Variants in HMX3 observed in about 807,000 individuals in gnomAD.
HMX3 encodes homeobox protein HMX3.
Under a neutral mutation model 22.8 loss-of-function variants are expected in HMX3, and 8 were observed. The ratio of observed to expected loss-of-function variants is 0.35; its 90% CI spans 0.21 to 0.63. HMX3 has a LOEUF of 0.63. Ranked by LOEUF, HMX3 falls within the 30% of genes least tolerant of loss-of-function variation. HMX3 has a pLI of 0.72. For missense variants in HMX3, 527 were observed against 520.6 expected (o/e 1.01, Z -0.12); for synonymous variants, 331 against 250.9 (o/e 1.32, Z -3.02).
rs1254188566 is a variant in HMX3, at chr10:123,136,171, C to T, written c.121C>T (p.His41Tyr). ...FSIKNLLNGD[H>Y]HRPPPKPQPP... ...CATCAAGAACCTGCTCAACGGAGAC[C>T]ACCACCGGCCGCCCCCTAAGCCTCA... Residue 41 changes from histidine (H) to tyrosine (Y), a missense_variant, in exon 1 of 2, where the codon CAC becomes TAC. Physicochemically the swap from His to Tyr is moderately conservative, Grantham distance 83. This residue lies in a region of HMX3 where 386 missense variants were observed against 337.8 expected (regional missense o/e 1.14). Transcript: ENST00000357878. The surrounding 1 kb of genome is among the most constrained non-coding windows in gnomAD (Gnocchi z 4.8). 1 of 1,445,020 alleles carries T rather than the reference C, an allele frequency of 6.9e-7. No homozygotes were observed. Among genetic ancestry groups the T allele is most frequent in the South Asian group, 1.5e-5 (1 of 64,764 alleles). 89.5% of individuals were successfully genotyped at this position (1,445,020 alleles called of 1,614,324 possible).
chr10:123,137,231 G>T lies in HMX3; in HGVS notation c.574G>T (p.Ala192Ser). The change falls in exon 2 of 2, where the codon GCG becomes TCG. Residue 192 changes from alanine (A) to serine (S), a missense_variant. Transcript: ENST00000357878. This position sits in a 1 kb window ranked among gnomAD's most constrained non-coding sequence, Gnocchi z 5.8. ...GGAAAGCAAAAAGGAAGGCGAAGCG[G>T]CGCCAGGCGCGGCCGGGGCGAGCGT... is the stretch of plus-strand genomic sequence containing the variant. ...SEESKKEGEA[A>S]PGAAGASVGA... 6.3e-7 allele frequency: 1 copy of T among 1,594,762 alleles called. No homozygotes were observed. Among genetic ancestry groups the T allele is most frequent in the Non-Finnish European group, 8.5e-7 (1 of 1,170,766 alleles).
In HMX3 at chr10:123,136,640, A is replaced by G. The variant is rs1414166720; in HGVS notation, c.400+190A>G. Among the ~76,000 whole-genome samples, 9 of 152,066 alleles carry G rather than the reference A, an allele frequency of 5.9e-5. No individual in the cohort carries two copies. The highest frequency in any genetic ancestry group is 5.9e-4 in the Admixed American group (9 of 15,280). ...TTAATCCAATCCCACTTGGTGAGAA[A>G]AGAAGTGGAATTGGAGCCCCGGGCA... On this transcript the variant is annotated intron_variant, in intron 1 of 1. Coordinates refer to ENST00000357878, the MANE Select transcript of HMX3 (RefSeq NM_001105574.2). This position sits in a 1 kb window ranked among gnomAD's most constrained non-coding sequence, Gnocchi z 4.8.
In HMX3 at chr10:123,137,650, C is replaced by G; in HGVS notation, c.993C>G (p.Ser331Arg). 6.6e-7 allele frequency: 1 copy of G among 1,508,096 alleles called. No homozygotes were observed. The allele number at this position is 1,508,096 out of a possible 1,614,324, so 93.4% of individuals were successfully genotyped here. The change falls in exon 2 of 2, where the codon AGC becomes AGG. Residue 331 changes from serine (S) to arginine (R), a missense_variant. Ser to Arg is a moderately radical substitution (Grantham distance 110). Transcript: ENST00000357878. This position sits in a 1 kb window ranked among gnomAD's most constrained non-coding sequence, Gnocchi z 5.8. ...CCGCGGGGGCCCCGGTGCCAGTCAGCCAGCCGCTGCTCACCTTCCCGCACC... is the reference window on the plus strand; with the variant it reads ...CCGCGGGGGCCCCGGTGCCAGTCAGGCAGCCGCTGCTCACCTTCCCGCACC... ...AAAAGAPVPV[S>R]QPLLTFPHPV... is the part of the protein sequence containing the mutation.
In HMX3 at chr10:123,137,039, C is replaced by G; in HGVS notation, c.401-19C>G. 2 of 1,587,620 alleles carry G rather than the reference C, an allele frequency of 1.3e-6. No homozygotes were observed. Among genetic ancestry groups the G allele is most frequent in the Non-Finnish European group, 1.7e-6 (2 of 1,168,076 alleles). On this transcript the variant is annotated intron_variant, in intron 1 of 1. Coordinates refer to ENST00000357878, the MANE Select transcript of HMX3 (RefSeq NM_001105574.2). This position sits in a 1 kb window ranked among gnomAD's most constrained non-coding sequence, Gnocchi z 5.8. ...GTGTCGGTGTGCATGTGTGTGCGTC[C>G]GTCTGTCTGTCTCCCCAGCCTCGGA...
In HMX3 at chr10:123,136,204, C is replaced by A. The variant is rs1397239860; in HGVS notation, c.154C>A (p.Pro52Thr). 12 of 1,385,572 alleles carry A rather than the reference C, an allele frequency of 8.7e-6. No homozygotes were observed. The highest frequency in any genetic ancestry group is 1.5e-5 in the African/African-American group (1 of 66,470). The allele number at this position is 1,385,572 out of a possible 1,614,324, so 85.8% of individuals were successfully genotyped here. A position where few individuals can be genotyped will look rare whatever the true frequency, so the allele number is the denominator to read the frequency against. Residue 52 changes from proline (P) to threonine (T), a missense_variant, in exon 1 of 2, where the codon CCA becomes ACA. Physicochemically the swap from Pro to Thr is conservative, Grantham distance 38. This residue lies in a region of HMX3 where 386 missense variants were observed against 337.8 expected (regional missense o/e 1.14). Coordinates refer to ENST00000357878, the MANE Select transcript of HMX3 (RefSeq NM_001105574.2). The surrounding 1 kb of genome is among the most constrained non-coding windows in gnomAD (Gnocchi z 4.8). ...HRPPPKPQPPPRTLFAPASAA... is the reference protein window; with the variant it reads ...HRPPPKPQPPTRTLFAPASAA... The stretch of plus-strand genomic sequence containing the variant: ...GCCGCCCCCTAAGCCTCAGCCGCCC[C>A]CACGGACGCTCTTCGCGCCAGCCTC...
Position 123,136,790 on chromosome 10 carries a change from C to G in HMX3, c.401-268C>G, listed in dbSNP as rs757115435. Among the ~76,000 whole-genome samples, 1 of 152,152 alleles carries G rather than the reference C, an allele frequency of 6.6e-6. No individual in the cohort carries two copies. The highest frequency in any genetic ancestry group is 6.5e-5 in the Admixed American group (1 of 15,280). On this transcript the variant is annotated intron_variant, in intron 1 of 1. Coordinates refer to ENST00000357878, the MANE Select transcript of HMX3 (RefSeq NM_001105574.2). The surrounding 1 kb of genome is among the most constrained non-coding windows in gnomAD (Gnocchi z 4.8). ...CCTAAGCCGAAAGGGAACCGTTCTG[C>G]CGGCCCCTGGCGAGGAAGCTGAGGG... is the stretch of plus-strand genomic sequence containing the variant.
rs1265425389 is a variant in HMX3 at position 123,136,108 on chromosome 10, C to T, written c.58C>T (p.Pro20Ser). The T allele has an allele frequency of 7.3e-7, 1 of 1,376,408 alleles. No individual in the cohort carries two copies. The highest frequency in any genetic ancestry group is 1.8e-5 in the South Asian group (1 of 56,620). The allele number at this position is 1,376,408 out of a possible 1,614,324, so 85.3% of individuals were successfully genotyped here. A position where few individuals can be genotyped will look rare whatever the true frequency, so the allele number is the denominator to read the frequency against. Residue 20 changes from proline to serine, a missense_variant, in exon 1 of 2, where the codon CCG becomes TCG. Coordinates refer to ENST00000357878, the MANE Select transcript of HMX3 (RefSeq NM_001105574.2). The surrounding 1 kb of genome is among the most constrained non-coding windows in gnomAD (Gnocchi z 4.8). ...GTASAQPQPP[P>S]PPPPAPKESP... is the part of the protein sequence containing the mutation. Reference sequence around the variant, plus strand: ...CGCCAGCGCACAGCCCCAACCGCCGCCGCCCCCCCCACCCGCTCCCAAGGA... The same window carrying T: ...CGCCAGCGCACAGCCCCAACCGCCGTCGCCCCCCCCACCCGCTCCCAAGGA...
rs71484512 is a variant in HMX3, at chr10:123,138,147, CTTT to C, written c.*428_*430del. Among the ~76,000 whole-genome samples, 1 of 132,124 alleles carries C rather than the reference CTTT, an allele frequency of 7.6e-6. No homozygotes were observed. Among genetic ancestry groups the C allele is most frequent in the Non-Finnish European group, 1.6e-5 (1 of 63,670 alleles). 86.7% of individuals were successfully genotyped at this position (132,124 alleles called of 152,430 possible). A position where few individuals can be genotyped will look rare whatever the true frequency, so the allele number is the denominator to read the frequency against. ...AATCCCTCTAGTTTATTCTTTTCTGCTTTTTTTTTTTTTTCCGAGACGGAATCT... is the reference window on the plus strand; with the variant it reads ...AATCCCTCTAGTTTATTCTTTTCTGCTTTTTTTTTTTCCGAGACGGAATCT... On this transcript the variant is annotated 3_prime_UTR_variant, in exon 2 of 2. Coordinates refer to ENST00000357878, the MANE Select transcript of HMX3 (RefSeq NM_001105574.2).
Position 123,136,967 on chromosome 10 carries a change from C to T in HMX3, c.401-91C>T. Reference sequence around the variant, plus strand: ...TCATGGCCTGGGACCTGGAGGCCGGCGCGGGTTGAGCCTGCCGTCCCCAGG... The same window carrying T: ...TCATGGCCTGGGACCTGGAGGCCGGTGCGGGTTGAGCCTGCCGTCCCCAGG... On this transcript the variant is annotated intron_variant, in intron 1 of 1. Coordinates refer to ENST00000357878, the MANE Select transcript of HMX3 (RefSeq NM_001105574.2). This position sits in a 1 kb window ranked among gnomAD's most constrained non-coding sequence, Gnocchi z 4.8. 2 of 1,419,298 alleles carry T rather than the reference C, an allele frequency of 1.4e-6. No homozygotes were observed. Among genetic ancestry groups the T allele is most frequent in the East Asian group, 2.5e-5 (1 of 39,892 alleles). 87.9% of individuals were successfully genotyped at this position (1,419,298 alleles called of 1,614,324 possible). A position where few individuals can be genotyped will look rare whatever the true frequency, so the allele number is the denominator to read the frequency against.
At position 123,137,440 on chromosome 10, in the gene HMX3, C is replaced by T. The variant is rs539836875; in HGVS notation, c.783C>T (p.Ala261=). 7.4e-6 allele frequency: 12 copies of T among 1,613,376 alleles called. No individual in the cohort carries two copies. In the South Asian group the frequency reaches 1.3e-4, roughly 18 times the overall value. ...GCAGCTCGGAGCGAGCCGGCCTGGC[C>T]GCGTCCCTGCACCTCACCGAGACGC... ...YLSSSERAGL[A]ASLHLTETQV... Residue 261 remains alanine, a synonymous_variant, in exon 2 of 2, where the codon GCC becomes GCT. Coordinates refer to ENST00000357878, the MANE Select transcript of HMX3 (RefSeq NM_001105574.2). This position sits in a 1 kb window ranked among gnomAD's most constrained non-coding sequence, Gnocchi z 5.8.
At position 123,137,403 on chromosome 10, in the gene HMX3, A is replaced by G. The variant is rs1190313655; in HGVS notation, c.746A>G (p.Lys249Arg). Residue 249 changes from lysine (K) to arginine (R), a missense_variant, in exon 2 of 2, where the codon AAG becomes AGG. Transcript: ENST00000357878. This position sits in a 1 kb window ranked among gnomAD's most constrained non-coding sequence, Gnocchi z 5.8. ...VFQLESTFDM[K>R]RYLSSSERAG... ...CAGCTCGAGTCCACCTTCGACATGA[A>G]GCGCTATCTGAGCAGCTCGGAGCGA... 1.2e-6 allele frequency: 2 copies of G among 1,613,408 alleles called. No homozygotes were observed. Among genetic ancestry groups the G allele is most frequent in the Non-Finnish European group, 1.7e-6 (2 of 1,179,922 alleles).
rs1378494055 is a variant in HMX3 at position 123,136,067 on chromosome 10, C to G, written c.17C>G (p.Pro6Arg). ...GAGGGGACCATGCCGGAACCCGGGC[C>G]GGACGCTGCCGGCACCGCCAGCGCA... MPEPG[P>R]DAAGTASAQP... The change falls in exon 1 of 2, where the codon CCG becomes CGG. Residue 6 changes from proline to arginine, a missense_variant. This residue lies in a region of HMX3 where 386 missense variants were observed against 337.8 expected (regional missense o/e 1.14). Transcript: ENST00000357878. This position sits in a 1 kb window ranked among gnomAD's most constrained non-coding sequence, Gnocchi z 4.8. 1.4e-6 allele frequency: 2 copies of G among 1,396,622 alleles called. No homozygotes were observed. Among genetic ancestry groups the G allele is most frequent in the South Asian group, 3.3e-5 (2 of 59,966 alleles). The allele number at this position is 1,396,622 out of a possible 1,614,324, so 86.5% of individuals were successfully genotyped here.
chr10:123,137,619 C>G lies in HMX3; in HGVS notation c.962C>G (p.Ala321Gly), dbSNP rs1310956665. Residue 321 changes from alanine (A) to glycine (G), a missense_variant, in exon 2 of 2, where the codon GCT becomes GGT. Physicochemically the swap from Ala to Gly is moderately conservative, Grantham distance 60. Transcript: ENST00000357878. The surrounding 1 kb of genome is among the most constrained non-coding windows in gnomAD (Gnocchi z 5.8). ...AACTCGGCGGCCGAGGGCGCGGCGG[C>G]TGCAGCCGCGGGGGCCCCGGTGCCA... ...HENSAAEGAAAAAAGAPVPVS... is the reference protein window; with the variant it reads ...HENSAAEGAAGAAAGAPVPVS... 1.3e-6 allele frequency: 2 copies of G among 1,552,822 alleles called. No homozygotes were observed. Among genetic ancestry groups the G allele is most frequent in the Non-Finnish European group, 1.7e-6 (2 of 1,157,374 alleles).
Position 123,137,325 on chromosome 10 carries a change from C to A in HMX3, c.668C>A (p.Pro223Gln). 1.2e-6 allele frequency: 2 copies of A among 1,610,552 alleles called. No individual in the cohort carries two copies. Among genetic ancestry groups the A allele is most frequent in the Non-Finnish European group, 1.7e-6 (2 of 1,178,754 alleles). The stretch of plus-strand genomic sequence containing the variant: ...GGCGCTGAAAGTCCAGAGAAGAAGC[C>A]GGCGTGCCGCAAGAAGAAGACGCGC... ...KKGAESPEKK[P>Q]ACRKKKTRTV... is the part of the protein sequence containing the mutation. Residue 223 changes from proline to glutamine, a missense_variant, in exon 2 of 2, where the codon CCG becomes CAG. Coordinates refer to ENST00000357878, the MANE Select transcript of HMX3 (RefSeq NM_001105574.2). The surrounding 1 kb of genome is among the most constrained non-coding windows in gnomAD (Gnocchi z 5.8).
Position 123,136,430 on chromosome 10 carries a change from G to A in HMX3, c.380G>A (p.Gly127Asp). 6.2e-6 allele frequency: 9 copies of A among 1,462,106 alleles called. 1 individual carries two copies. The Middle Eastern group carries it at 1.3e-3, about 208-fold the overall frequency. The allele number at this position is 1,462,106 out of a possible 1,614,324, so 90.6% of individuals were successfully genotyped here. ...WYPYTLTPAG[G>D]HLPRPEASEK... ...CCCTACACCCTGACCCCCGCCGGCG[G>A]CCACCTCCCGCGACCTGAAGGTACC... is the stretch of plus-strand genomic sequence containing the variant. Residue 127 changes from glycine to aspartate, a missense_variant, in exon 1 of 2, where the codon GGC (glycine) becomes GAC (aspartate). By Grantham distance (94) the Gly-to-Asp change is moderately conservative. Transcript: ENST00000357878. This position sits in a 1 kb window ranked among gnomAD's most constrained non-coding sequence, Gnocchi z 4.8.
Position 123,138,601 on chromosome 10 carries a change from T to C in HMX3, c.*870T>C, listed in dbSNP as rs371797816. Reference sequence around the variant, plus strand: ...TAATTTTCAAAATATGAGCAGCCTCTCATAAGAATCCCGACTCAGGCCGCT... The same window carrying C: ...TAATTTTCAAAATATGAGCAGCCTCCCATAAGAATCCCGACTCAGGCCGCT... On this transcript the variant is annotated 3_prime_UTR_variant, in exon 2 of 2. Transcript: ENST00000357878. Among the ~76,000 whole-genome samples the C allele has an allele frequency of 7.2e-5, 11 of 152,338 alleles. No individual in the cohort carries two copies. In the East Asian group the frequency reaches 1.9e-3, roughly 27 times the overall value.
rs1844083480 is a variant in HMX3, at chr10:123,136,985, T to TCC, written c.401-70_401-69dup. On this transcript the variant is annotated intron_variant, in intron 1 of 1. Transcript: ENST00000357878. The surrounding 1 kb of genome is among the most constrained non-coding windows in gnomAD (Gnocchi z 4.8). ...AGGCCGGCGCGGGTTGAGCCTGCCG[T>TCC]CCCCAGGCGCCGGGCCTCGCTCAAG... 1 of 1,463,528 alleles carries TCC rather than the reference T, an allele frequency of 6.8e-7. No individual in the cohort carries two copies. The highest frequency in any genetic ancestry group is 9.0e-7 in the Non-Finnish European group (1 of 1,105,678). 90.7% of individuals were successfully genotyped at this position (1,463,528 alleles called of 1,614,324 possible).
In HMX3 at chr10:123,139,323, G is replaced by A. The variant is rs542615949; in HGVS notation, c.*1592G>A. ...CATCTCCCTCACCTCTGCCTGGGTT[G>A]AGTCCCTTTTTAAGAAAAAGAGAAA... On this transcript the variant is annotated 3_prime_UTR_variant, in exon 2 of 2. Coordinates refer to ENST00000357878, the MANE Select transcript of HMX3 (RefSeq NM_001105574.2). Among the ~76,000 whole-genome samples the A allele has an allele frequency of 4.0e-5, 6 of 150,892 alleles. No homozygotes were observed. The East Asian group carries it at 7.7e-4, about 19-fold the overall frequency.
At position 123,136,215 on chromosome 10, in the gene HMX3, C is replaced by A; in HGVS notation, c.165C>A (p.Leu55=). 1 of 1,364,372 alleles carries A rather than the reference C, an allele frequency of 7.3e-7. No homozygotes were observed. Among genetic ancestry groups the A allele is most frequent in the Non-Finnish European group, 9.4e-7 (1 of 1,060,838 alleles). The allele number at this position is 1,364,372 out of a possible 1,614,324, so 84.5% of individuals were successfully genotyped here. A position where few individuals can be genotyped will look rare whatever the true frequency, so the allele number is the denominator to read the frequency against. Residue 55 remains leucine, a synonymous_variant, in exon 1 of 2, where the codon CTC becomes CTA. Coordinates refer to ENST00000357878, the MANE Select transcript of HMX3 (RefSeq NM_001105574.2). The surrounding 1 kb of genome is among the most constrained non-coding windows in gnomAD (Gnocchi z 4.8). ...AGCCTCAGCCGCCCCCACGGACGCT[C>A]TTCGCGCCAGCCTCGGCTGCCGCCG... ...PPKPQPPPRT[L]FAPASAAAAA... is the part of the protein sequence containing the mutation.
Sources: gnomAD v4.1 joint callset for allele counts (sites outside exome capture counted in the v4.1 genomes callset) on GRCh38, gnomAD v4.1.1 for gene constraint, gnomAD v4.1.1 regional missense constraint, Gnocchi (gnomAD v3.1) non-coding constraint, MANE v1.5 for transcripts, NCBI Gene and HGNC (gene_info 2026-07-23, HGNC 2026-07-21) for gene names.